The following EPHA5 variants were observed in gnomAD, a reference collection of about 807,000 sequenced individuals.
EPHA5 encodes ephrin type-A receptor 5.
Under a neutral mutation model 105.0 loss-of-function variants are expected in EPHA5, and 60 were observed. The ratio of observed to expected loss-of-function variants is 0.57; its 90% CI spans 0.46 to 0.71. The LOEUF is 0.71. Among genes scored for constraint, EPHA5 ranks in the 30% least tolerant of loss-of-function variants. The probability of loss-of-function intolerance (pLI) is 0.00; values close to 1 mark genes in which losing one functional copy is unlikely to be tolerated. For synonymous variants in EPHA5, 513 were observed against 449.1 expected (o/e 1.14, Z -1.80); for missense variants, 1,218 against 1,274.7 (o/e 0.96, Z 0.68).
intron 5 of EPHA5, among the ~76,000 whole-genome samples, chr4:65,471,239 C>G (rs1036584341): frequency 6.6e-6 from 1 of 152,118 alleles, no homozygotes; most frequent in African/African-American, 2.4e-5. Context: ...AGACATAAAT[C>G]TCATAAACAA....
intron 5 of EPHA5, among the ~76,000 whole-genome samples, chr4:65,479,212 G>A (rs539698835): frequency 9.9e-5 from 15 of 152,182 alleles, no homozygotes; most frequent in Non-Finnish European, 1.8e-4. Flanking sequence ...TTTGATTGTT[G>A]TAATCATTGT....
intron 16 of EPHA5, among the ~76,000 whole-genome samples, chr4:65,328,345 G>A (rs1009200213): frequency 6.6e-6 from 1 of 151,108 alleles, no homozygotes; most frequent in Non-Finnish European, 1.5e-5. Flanking sequence ...TTAAACAATG[G>A]AAAAACACTG....
At chr4:65,415,088 C>T (rs1423684889) in intron 6 of EPHA5, among the ~76,000 whole-genome samples, 1 of 152,106 alleles carries the variant, frequency 6.6e-6, no homozygotes, top group African/African-American at 2.4e-5. Flanking sequence ...AAAAAAATTA[C>T]TGGAAAGATA....
chr4:65,431,753 G>C (rs772330454), intron 5 of EPHA5, among the ~76,000 whole-genome samples: 10 of 152,116 alleles, frequency 6.6e-5, no homozygotes, highest in Admixed American at 2.6e-4. Flanking sequence ...AGATATCACA[G>C]ATAGAGAAAG....
chr4:65,531,375 A>G (rs1735781488), intron 3 of EPHA5, among the ~76,000 whole-genome samples: 1 of 152,058 alleles, frequency 6.6e-6, no homozygotes, highest in Non-Finnish European at 1.5e-5. Flanking sequence ...TCCTCCCTGG[A>G]AAGTGGAGTT....
chr4:65,493,981 C>A (rs1053136008), intron 4 of EPHA5, among the ~76,000 whole-genome samples: 1 of 152,160 alleles, frequency 6.6e-6, no homozygotes, highest in Non-Finnish European at 1.5e-5. Context: ...CATTCATTTG[C>A]TCTCATAAGC....
chr4:65,554,247 A>ATATATATAATTATATGT (rs1491540116), intron 3 of EPHA5, among the ~76,000 whole-genome samples: 2 of 148,702 alleles, frequency 1.3e-5, no homozygotes, highest in Non-Finnish European at 3.0e-5. Context: ...TATACTTATA[A>ATATATATAATTATATGT]TATATATAAT....
rs987920953 is a variant in EPHA5 at position 65,591,704 on chromosome 4, T to C, written c.910+9937A>G. 3.3e-5 allele frequency among the ~76,000 whole-genome samples: 5 copies of C among 152,190 alleles called. 1 individual carries two copies. The highest frequency in any genetic ancestry group is 1.2e-4 in the African/African-American group (5 of 41,548). On this transcript the variant is annotated intron_variant, in intron 3 of 16. Coordinates refer to ENST00000613740, the MANE Select transcript of EPHA5 (RefSeq NM_001281766.3). ...TTTCCCTAAGTCATGTAAATTATTT[T>C]AATTCTAACGTTACTTACAGAAGAT...
chr4:65,454,070 TG>T (rs1727330089), intron 5 of EPHA5, among the ~76,000 whole-genome samples: 1 of 151,976 alleles, frequency 6.6e-6, no homozygotes, highest in African/African-American at 2.4e-5. Context: ...CACCTGAGGT[TG>T]GGAGTTCGAA....
chr4:65,633,689 T>C (rs1746852683), intron 2 of EPHA5, among the ~76,000 whole-genome samples: 1 of 151,920 alleles, frequency 6.6e-6, no homozygotes, highest in African/African-American at 2.4e-5. Context: ...ATATTTGGAC[T>C]CAATATGAGA....
chr4:65,351,658 G>C (rs549023035), intron 12 of EPHA5, 60 bp from the exon 13 acceptor site: 2 of 1,481,190 alleles, frequency 1.4e-6, no homozygotes, highest in Non-Finnish European at 1.9e-6. Context: ...GAAAATATGA[G>C]AGGTCTGTAT....
intron 5 of EPHA5, among the ~76,000 whole-genome samples, chr4:65,427,178 G>A (rs1450235122): frequency 7.6e-6 from 1 of 131,800 alleles, no homozygotes; most frequent in Non-Finnish European, 1.6e-5. Flanking sequence ...TAAAACTCGA[G>A]TGTATTCTTT....
At chr4:65,423,643 A>G (rs1436258335) in intron 5 of EPHA5, among the ~76,000 whole-genome samples, 1 of 149,598 alleles carries the variant, frequency 6.7e-6, no homozygotes, top group Non-Finnish European at 1.5e-5. Context: ...TCTCTTTGAT[A>G]TACCCCCATC....
intron 3 of EPHA5, among the ~76,000 whole-genome samples, chr4:65,572,161 C>T (rs1459661791): frequency 6.6e-6 from 1 of 151,790 alleles, no homozygotes; most frequent in Non-Finnish European, 1.5e-5. Context: ...TTGGTGAATT[C>T]CATATAGCAA....
intron 3 of EPHA5, among the ~76,000 whole-genome samples, chr4:65,549,002 G>T (rs4299645): frequency 6.6e-6 from 1 of 152,058 alleles, no homozygotes. Context: ...CAGCATTCAC[G>T]AATTAAAGCA....
At chr4:65,393,277 T>A (rs939613391) in intron 8 of EPHA5, among the ~76,000 whole-genome samples, 1 of 152,196 alleles carries the variant, frequency 6.6e-6, no homozygotes, top group Non-Finnish European at 1.5e-5. Context: ...ATGGTGTTGG[T>A]CACAAAGTGT....
At chr4:65,565,324 T>C (rs1739425926) in intron 3 of EPHA5, among the ~76,000 whole-genome samples, 1 of 151,708 alleles carries the variant, frequency 6.6e-6, no homozygotes, top group Non-Finnish European at 1.5e-5. Context: ...GCCCAATATA[T>C]TCAATCCAAT....
chr4:65,348,717 A>G (rs1166657638), intron 13 of EPHA5, among the ~76,000 whole-genome samples: 1 of 125,068 alleles, frequency 8.0e-6, no homozygotes, highest in Non-Finnish European at 1.7e-5. Context: ...ATGTGTGTGT[A>G]TATATATGTG....
At chr4:65,484,901 T>TATAG (rs1217599002) in intron 5 of EPHA5, among the ~76,000 whole-genome samples, 2 of 152,042 alleles carry the variant, frequency 1.3e-5, no homozygotes, top group Non-Finnish European at 2.9e-5. Flanking sequence ...TCTCTATCTG[T>TATAG]ATAGATAGAT....
Sources: allele counts gnomAD v4.1 joint callset (sites outside exome capture counted in the v4.1 genomes callset), GRCh38; gene constraint gnomAD v4.1.1; transcripts MANE v1.5; gene names NCBI Gene and HGNC (gene_info 2026-07-23, HGNC 2026-07-21).